The following VAPB variants were observed in gnomAD, a reference collection of about 807,000 sequenced individuals.
The protein encoded by VAPB is VAMP associated protein B and C, also known as vesicle-associated membrane protein-associated protein B/C.
In VAPB, 7 loss-of-function variants were observed where a neutral mutation model predicts 25.6. The observed-to-expected ratio is 0.27, with a 90% confidence interval of 0.16 to 0.51. VAPB has a LOEUF of 0.51. Among genes scored for constraint, VAPB ranks in the 20% least tolerant of loss-of-function variants. The pLI is 0.97. For synonymous variants in VAPB, 112 were observed against 109.2 expected (o/e 1.03, Z -0.16); for missense variants, 266 against 301.3 (o/e 0.88, Z 0.87).
Position 58,448,326 on chromosome 20 carries a change from C to G in VAPB, c.*4091C>G, listed in dbSNP as rs1393403690. On this transcript the variant is annotated 3_prime_UTR_variant, in exon 6 of 6. Transcript: ENST00000475243. ...CTGTGGCCTAATTGGATTTGGAGAA[C>G]GCCTTCCCTGGCCCCTTTTCCTCAG... 1 of 453,552 alleles carries G rather than the reference C, an allele frequency of 2.2e-6. No homozygotes were observed. Among genetic ancestry groups the G allele is most frequent in the South Asian group, 1.6e-5 (1 of 64,464 alleles). 28.1% of individuals were successfully genotyped at this position (453,552 alleles called of 1,614,324 possible).
chr20:58,434,844 CT>C (rs1230236049), intron 3 of VAPB, 139 bp downstream of exon 3: 2 of 616,050 alleles, frequency 3.2e-6, no homozygotes, highest in African/African-American at 3.7e-5. Context: ...GAGGTTTGTA[CT>C]TTATCTACCT....
intron 2 of VAPB, among the ~76,000 whole-genome samples, chr20:58,423,439 A>AAG: frequency 6.7e-6 from 1 of 149,398 alleles, no homozygotes; most frequent in South Asian, 2.1e-4. Flanking sequence ...AAAAAAAAAA[A>AAG]AAAAAAAAAA....
intron 1 of VAPB, among the ~76,000 whole-genome samples, chr20:58,417,189 T>C (rs1988560369): frequency 6.6e-6 from 1 of 152,252 alleles, no homozygotes; most frequent in Non-Finnish European, 1.5e-5. Flanking sequence ...TAAGTTTTTG[T>C]AGCCACCTGA....
At position 58,426,951 on chromosome 20, in the gene VAPB, G is replaced by A. The variant is rs184645205; in HGVS notation, c.212-7651G>A. On this transcript the variant is annotated intron_variant, in intron 2 of 5. Coordinates refer to ENST00000475243, the MANE Select transcript of VAPB (RefSeq NM_004738.5). ...GCTCTGTTACCGTTATAATGCAGAC[G>A]AAAGTGATCTGTGATCTGTTACCAT... Among the ~76,000 whole-genome samples the A allele has an allele frequency of 2.0e-4, 31 of 152,344 alleles. No homozygotes were observed. The East Asian group carries it at 3.9e-3, about 19-fold the overall frequency.
chr20:58,444,123 C>T lies in VAPB; in HGVS notation c.620C>T (p.Pro207Leu). ...AGGAAGACAGTGCAGAGCAACAGCCCCATTTCAGCATTAGCCCCAACTGGG... is the reference window on the plus strand; with the variant it reads ...AGGAAGACAGTGCAGAGCAACAGCCTCATTTCAGCATTAGCCCCAACTGGG... Reference protein sequence around the residue: ...RMRKTVQSNSPISALAPTGKE... With the variant: ...RMRKTVQSNSLISALAPTGKE... The change falls in exon 6 of 6, where the codon CCC becomes CTC. Residue 207 changes from proline (P) to leucine (L), a missense_variant. Transcript: ENST00000475243. 2 of 1,614,196 alleles carry T rather than the reference C, an allele frequency of 1.2e-6. No homozygotes were observed. The highest frequency in any genetic ancestry group is 1.7e-6 in the Non-Finnish European group (2 of 1,180,036).
rs570728141 is a variant in VAPB at position 58,444,945 on chromosome 20, T to C, written c.*710T>C. ...TTATTCAGAGATGTTTAATGCATAT[T>C]TAACTTATTTAATGTATTTCATCTC... On this transcript the variant is annotated 3_prime_UTR_variant, in exon 6 of 6. Transcript: ENST00000475243. 4.4e-6 allele frequency: 2 copies of C among 454,628 alleles called. No individual in the cohort carries two copies. Among genetic ancestry groups the C allele is most frequent in the South Asian group, 1.6e-5 (1 of 64,482 alleles). The allele number at this position is 454,628 out of a possible 1,614,324, so 28.2% of individuals were successfully genotyped here. A position where few individuals can be genotyped will look rare whatever the true frequency, so the allele number is the denominator to read the frequency against.
intron 2 of VAPB, among the ~76,000 whole-genome samples, chr20:58,424,065 A>G (rs1165526976): frequency 4.6e-5 from 7 of 152,190 alleles, no homozygotes; most frequent in Non-Finnish European, 1.0e-4. Context: ...CAAGATCAAG[A>G]GGACTTACAC....
At chr20:58,436,123 G>A (rs1451396081) in intron 3 of VAPB, among the ~76,000 whole-genome samples, 1 of 152,076 alleles carries the variant, frequency 6.6e-6, no homozygotes, top group South Asian at 2.1e-4. Flanking sequence ...ATCAGAGTGT[G>A]TAATAGGCCA....
At chr20:58,423,178 G>A (rs899014566) in intron 2 of VAPB, among the ~76,000 whole-genome samples, 6 of 151,868 alleles carry the variant, frequency 4.0e-5, no homozygotes, top group East Asian at 1.9e-4. Context: ...TTGGGAGGCC[G>A]AGGCAGGCGG....
chr20:58,408,110 T>G (rs1481308937), intron 1 of VAPB, among the ~76,000 whole-genome samples: 1 of 152,108 alleles, frequency 6.6e-6, no homozygotes. Flanking sequence ...GTGAATTGAG[T>G]AAGCACCCTG....
intron 5 of VAPB, 68 bp from the exon 6 acceptor site, chr20:58,444,009 A>G: frequency 6.2e-7 from 1 of 1,608,700 alleles, no homozygotes; most frequent in Non-Finnish European, 8.5e-7. Flanking sequence ...CCATCCCGTT[A>G]AGCTGTACAG....
At position 58,418,343 on chromosome 20, in the gene VAPB, G is replaced by A; in HGVS notation, c.191G>A (p.Gly64Glu). The A allele has an allele frequency of 2.5e-6, 4 of 1,614,140 alleles. No individual in the cohort carries two copies. The highest frequency in any genetic ancestry group is 3.4e-6 in the Non-Finnish European group (4 of 1,180,032). The change falls in exon 2 of 6, where the codon GGG (glycine) becomes GAG (glutamate). Residue 64 changes from glycine (G) to glutamate (E), a missense_variant. Around this residue, in one of 3 missense-constraint regions of VAPB, gnomAD observed 98 missense variants for 147.1 expected, o/e 0.67. Transcript: ENST00000475243. ...CCCAACAGCGGAATCATCGATGCAG[G>A]GGCCTCAATTAATGTATCTGGTAAG... ...VRPNSGIIDA[G>E]ASINVSVMLQ...
At chr20:58,441,228 C>A in intron 5 of VAPB, 145 bp downstream of exon 5, 1 of 879,930 alleles carries the variant, frequency 1.1e-6, no homozygotes. Context: ...GGAGAAATTT[C>A]CATGGCTTTC....
In VAPB at chr20:58,447,638, T is replaced by G. The variant is rs1989326244; in HGVS notation, c.*3403T>G. On this transcript the variant is annotated 3_prime_UTR_variant, in exon 6 of 6. Transcript: ENST00000475243. ...AGCTACAGAGCCTTTCAGATGAATT[T>G]GAAAACAGACTCTGTGTGTGTGTGC... 1 of 438,162 alleles carries G rather than the reference T, an allele frequency of 2.3e-6. No individual in the cohort carries two copies. The highest frequency in any genetic ancestry group is 4.5e-6 in the Non-Finnish European group (1 of 222,446). 27.1% of individuals were successfully genotyped at this position (438,162 alleles called of 1,614,324 possible).
chr20:58,410,937 C>T (rs912144623), intron 1 of VAPB, among the ~76,000 whole-genome samples: 1 of 152,212 alleles, frequency 6.6e-6, no homozygotes, highest in Non-Finnish European at 1.5e-5. Flanking sequence ...ATTTTATCCA[C>T]TCACAAAATG....
rs560203987 is a variant in VAPB at position 58,441,636 on chromosome 20, C to T, written c.573+553C>T. Reference sequence around the variant, plus strand: ...CAGCCTGGGTGACAGAGCTAGACTTCGTCTCAAAAACAAAATAAACAAAAC... The same window carrying T: ...CAGCCTGGGTGACAGAGCTAGACTTTGTCTCAAAAACAAAATAAACAAAAC... On this transcript the variant is annotated intron_variant, in intron 5 of 5. Transcript: ENST00000475243. 2.0e-5 allele frequency among the ~76,000 whole-genome samples: 3 copies of T among 152,238 alleles called. No individual in the cohort carries two copies. In the South Asian group the frequency reaches 6.2e-4, roughly 32 times the overall value.
intron 1 of VAPB, among the ~76,000 whole-genome samples, chr20:58,403,119 C>G (rs1489878805): frequency 6.6e-6 from 1 of 152,188 alleles, no homozygotes; most frequent in African/African-American, 2.4e-5. Flanking sequence ...TCGATGTAGA[C>G]ACAGTGCATT....
At chr20:58,404,853 C>T (rs1988186959) in intron 1 of VAPB, among the ~76,000 whole-genome samples, 1 of 152,088 alleles carries the variant, frequency 6.6e-6, no homozygotes. Flanking sequence ...CCCTGTTTCT[C>T]TCTCTAGCTT....
Position 58,434,891 on chromosome 20 carries a change from A to T in VAPB, c.315+186A>T, listed in dbSNP as rs1161440627. Reference sequence around the variant, plus strand: ...TCTAAAACTTTGAGGAATAATTTTAACATTTTTTGTGACTTTCTAGAAGGC... The same window carrying T: ...TCTAAAACTTTGAGGAATAATTTTATCATTTTTTGTGACTTTCTAGAAGGC... On this transcript the variant is annotated intron_variant, in intron 3 of 5. Coordinates refer to ENST00000475243, the MANE Select transcript of VAPB (RefSeq NM_004738.5). 2.0e-5 allele frequency among the ~76,000 whole-genome samples: 3 copies of T among 151,918 alleles called. No homozygotes were observed. The Admixed American group carries it at 2.0e-4, about 10-fold the overall frequency.
Sources: gnomAD v4.1 joint callset for allele counts (sites outside exome capture counted in the v4.1 genomes callset) on GRCh38, gnomAD v4.1.1 for gene constraint, gnomAD v4.1.1 regional missense constraint, MANE v1.5 for transcripts, NCBI Gene and HGNC (gene_info 2026-07-23, HGNC 2026-07-21) for gene names.